Variants in EBF1 observed in about 807,000 individuals in gnomAD.
The protein encoded by EBF1 is transcription factor COE1.
EBF1 carries 10 observed loss-of-function variants against 68.4 expected under a neutral mutation model. The ratio of observed to expected loss-of-function variants is 0.15; its 90% CI spans 0.09 to 0.25. The LOEUF (loss-of-function observed/expected upper bound fraction) is 0.25. Among genes scored for constraint, EBF1 ranks in the 10% least tolerant of loss-of-function variants. EBF1 has a pLI of 1.00. For synonymous variants in EBF1, 298 were observed against 299.8 expected, an observed-to-expected ratio of 0.99 and a Z score of 0.06; for missense variants, 509 against 794.4, an observed-to-expected ratio of 0.64 and a Z score of 4.32.
chr5:158,975,275 C>T (rs142418347), intron 6 of EBF1, among the ~76,000 whole-genome samples: 1 of 152,100 alleles, frequency 6.6e-6, no homozygotes, highest in African/African-American at 2.4e-5. Context: ...CCCACTCCCC[C>T]CAAAAAATAT....
At chr5:158,998,327 C>CTCTAAAACTGCCCCTA (rs1761857609) in intron 6 of EBF1, among the ~76,000 whole-genome samples, 2 of 152,170 alleles carry the variant, frequency 1.3e-5, no homozygotes, top group African/African-American at 4.8e-5. Flanking sequence ...CTCCACCCTT[C>CTCTAAAACTGCCCCTA]TCTAAAACTG....
At chr5:158,896,817 T>C (rs1218820092) in intron 6 of EBF1, among the ~76,000 whole-genome samples, 3 of 152,188 alleles carry the variant, frequency 2.0e-5, no homozygotes, top group Non-Finnish European at 4.4e-5. Context: ...ATTTCCACTT[T>C]TGATATTTCA....
chr5:158,990,995 C>T (rs921860426), intron 6 of EBF1, among the ~76,000 whole-genome samples: 1 of 152,178 alleles, frequency 6.6e-6, no homozygotes, highest in African/African-American at 2.4e-5. Context: ...AGTCATAGGA[C>T]CTGCTCAATG....
Position 158,802,357 on chromosome 5 carries a change from G to A in EBF1, c.779-5882C>T, listed in dbSNP as rs560471942. 5.3e-5 allele frequency among the ~76,000 whole-genome samples: 8 copies of A among 152,236 alleles called. No individual in the cohort carries two copies. The South Asian group carries it at 1.5e-3, about 28-fold the overall frequency. On this transcript the variant is annotated intron_variant, in intron 8 of 15. Transcript: ENST00000313708. The stretch of plus-strand genomic sequence containing the variant: ...AAATACACTGGAGAAACAACACTCT[G>A]TGAGTTGATAAAATGTACAAATTTA...
intron 6 of EBF1, among the ~76,000 whole-genome samples, chr5:158,915,001 C>T (rs1806841586): frequency 6.6e-6 from 1 of 152,078 alleles, no homozygotes; most frequent in South Asian, 2.1e-4. Context: ...TTAATGAAAA[C>T]TGTCAATTTT....
chr5:158,754,262 G>C (rs1769559637), intron 10 of EBF1, among the ~76,000 whole-genome samples: 1 of 152,016 alleles, frequency 6.6e-6, no homozygotes, highest in African/African-American at 2.4e-5. Context: ...TATAAAAGCT[G>C]ACTTTTCCCA....
intron 6 of EBF1, among the ~76,000 whole-genome samples, chr5:158,989,786 T>G (rs1759891170): frequency 6.6e-6 from 1 of 152,302 alleles, no homozygotes; most frequent in Middle Eastern, 3.4e-3. Context: ...TATAACAGCA[T>G]GTCTGACATG....
chr5:158,908,105 C>T (rs1460785429), intron 6 of EBF1, among the ~76,000 whole-genome samples: 6 of 152,130 alleles, frequency 3.9e-5, no homozygotes, highest in African/African-American at 1.4e-4. Context: ...AGGCATAAAT[C>T]CTGAAAAGAC....
At chr5:158,707,950 T>C in intron 15 of EBF1, 29 bp downstream of exon 15, 4 of 1,542,046 alleles carry the variant, frequency 2.6e-6, no homozygotes, top group Non-Finnish European at 3.5e-6. Flanking sequence ...GCATTGAATC[T>C]GGATTGGCAG....
chr5:158,822,212 T>C (rs1371789946), intron 8 of EBF1, among the ~76,000 whole-genome samples: 1 of 151,974 alleles, frequency 6.6e-6, no homozygotes, highest in Non-Finnish European at 1.5e-5. Context: ...AAGTCTAATA[T>C]GGTGACTGGT....
At chr5:158,930,887 C>CAA (rs5872578) in intron 6 of EBF1, among the ~76,000 whole-genome samples, 9 of 143,466 alleles carry the variant, frequency 6.3e-5, no homozygotes, top group African/African-American at 1.8e-4. Context: ...TCAGGTTACC[C>CAA]AAAAAAAAAA....
rs1164360413 is a variant in EBF1 at position 158,790,037 on chromosome 5, G to A, written c.909+6308C>T. 3.3e-5 allele frequency among the ~76,000 whole-genome samples: 5 copies of A among 152,134 alleles called. No homozygotes were observed. The East Asian group carries it at 7.7e-4, about 23-fold the overall frequency. On this transcript the variant is annotated intron_variant, in intron 9 of 15. Transcript: ENST00000313708. ...TTTACCCAACTATATTCACTCACAG[G>A]TCTCCCCCAGAGGTTTCTTTTGACT...
chr5:159,023,189 C>G (rs990500357), intron 6 of EBF1, among the ~76,000 whole-genome samples: 2 of 87,706 alleles, frequency 2.3e-5, no homozygotes, highest in African/African-American at 8.7e-5. Flanking sequence ...AATTTTCTCA[C>G]TAAAAAAAAA....
At chr5:158,710,348 GCCC>G (rs1396450718) in intron 14 of EBF1, among the ~76,000 whole-genome samples, 3 of 152,144 alleles carry the variant, frequency 2.0e-5, no homozygotes, top group African/African-American at 7.2e-5. Context: ...AGCATTCCAA[GCCC>G]CTAAATTGAA....
At chr5:158,817,433 T>A (rs181367792) in intron 8 of EBF1, among the ~76,000 whole-genome samples, 46 of 152,166 alleles carry the variant, frequency 3.0e-4, no homozygotes, top group Non-Finnish European at 5.6e-4. Context: ...TGGGAGTGGG[T>A]TAGTTATAAA....
chr5:158,891,306 C>G (rs747615605), intron 6 of EBF1, among the ~76,000 whole-genome samples: 1 of 152,168 alleles, frequency 6.6e-6, no homozygotes, highest in African/African-American at 2.4e-5. Context: ...CTCTGAGCAA[C>G]GAAAATTGAT....
chr5:158,997,227 G>A (rs1363824186), intron 6 of EBF1, among the ~76,000 whole-genome samples: 1 of 152,110 alleles, frequency 6.6e-6, no homozygotes, highest in Non-Finnish European at 1.5e-5. Context: ...TACAAGAGTG[G>A]GCAGTTTCCA....
rs1756211406 is a variant in EBF1, at chr5:158,699,084, T to C, written c.*27A>G. ...TCTGTAGCAGAATCCAACCTCTTCA[T>C]TAATACAATTCTTCAAGGCAATTCT... On this transcript the variant is annotated 3_prime_UTR_variant, in exon 16 of 16. Coordinates refer to ENST00000313708, the MANE Select transcript of EBF1 (RefSeq NM_024007.5). 3.8e-6 allele frequency: 6 copies of C among 1,594,952 alleles called. No homozygotes were observed. The highest frequency in any genetic ancestry group is 4.3e-6 in the Non-Finnish European group (5 of 1,171,630).
chr5:159,085,659 C>A (rs534489199), intron 4 of EBF1, among the ~76,000 whole-genome samples: 1 of 152,184 alleles, frequency 6.6e-6, no homozygotes. Flanking sequence ...TAATATCACA[C>A]GGCTTCAAAT....
Sources: allele counts gnomAD v4.1 joint callset (sites outside exome capture counted in the v4.1 genomes callset), GRCh38; gene constraint gnomAD v4.1.1; transcripts MANE v1.5; gene names NCBI Gene and HGNC (gene_info 2026-07-23, HGNC 2026-07-21).